Variants in CACNA1C observed in about 807,000 individuals in gnomAD.
The protein encoded by CACNA1C is voltage-dependent L-type calcium channel subunit alpha-1C.
A neutral mutation model predicts 229.0 loss-of-function variants in CACNA1C; 30 were observed. That is an observed-to-expected ratio of 0.13 (90% CI 0.10 to 0.18). The LOEUF is 0.18. CACNA1C is among the 10% of genes least tolerant of loss of function. CACNA1C has a pLI of 1.00. For synonymous variants in CACNA1C, 1,114 were observed against 1,132.5 expected (o/e 0.98, Z 0.33); for missense variants, 1,658 against 2,845.0 (o/e 0.58, Z 9.49).
chr12:2,483,381 A>T (rs1306698861), intron 5 of CACNA1C, among the ~76,000 whole-genome samples: 6 of 152,138 alleles, frequency 3.9e-5, no homozygotes, highest in Admixed American at 3.3e-4. Context: ...ACTGGGCAAC[A>T]CTGGAACCCG....
chr12:2,638,349 C>G (rs1365860279), intron 30 of CACNA1C, among the ~76,000 whole-genome samples: 1 of 152,058 alleles, frequency 6.6e-6, no homozygotes, highest in Admixed American at 6.6e-5. Context: ...ATGTGGAGAT[C>G]GGGAGAAGAG....
At chr12:2,065,094 G>A (rs1187934195) in intron 1 of CACNA1C, among the ~76,000 whole-genome samples, 1 of 152,196 alleles carries the variant, frequency 6.6e-6, no homozygotes, top group Non-Finnish European at 1.5e-5. Context: ...CTGGGCCGCT[G>A]TGCAGAGCTG....
intron 3 of CACNA1C, among the ~76,000 whole-genome samples, chr12:2,448,094 C>T (rs182497287): frequency 7.9e-5 from 12 of 152,284 alleles, no homozygotes; most frequent in African/African-American, 1.4e-4. Context: ...CAATTAGTGG[C>T]GAGGGACGTG....
chr12:2,367,905 A>G (rs900190668), intron 3 of CACNA1C, among the ~76,000 whole-genome samples: 2 of 152,190 alleles, frequency 1.3e-5, no homozygotes, highest in Non-Finnish European at 2.9e-5. Flanking sequence ...AATTAGCATT[A>G]TCTTGACAAA....
At chr12:2,178,160 A>G (rs2096725168) in intron 3 of CACNA1C, among the ~76,000 whole-genome samples, 1 of 152,254 alleles carries the variant, frequency 6.6e-6, no homozygotes, top group Non-Finnish European at 1.5e-5. Flanking sequence ...GCCTCTTATT[A>G]AAAGGAAAGT....
chr12:2,193,209 C>G (rs1001782910), intron 3 of CACNA1C, among the ~76,000 whole-genome samples: 2 of 152,182 alleles, frequency 1.3e-5, no homozygotes, highest in Non-Finnish European at 2.9e-5. Flanking sequence ...AATTCCAGCA[C>G]TTTGGGAGGC....
At chr12:2,690,676 CA>C (rs1439317689) in intron 46 of CACNA1C, 2 of 508,270 alleles carry the variant, frequency 3.9e-6, no homozygotes, top group Non-Finnish European at 6.9e-6. Flanking sequence ...TTGACCACCC[CA>C]GCCAAAACTT....
intron 9 of CACNA1C, chr12:2,547,603 G>A (rs1372486180): frequency 2.7e-6 from 2 of 753,464 alleles, no homozygotes; most frequent in East Asian, 5.0e-5. Flanking sequence ...CTCTCTTGAT[G>A]GCTTGTGCCG....
intron 3 of CACNA1C, among the ~76,000 whole-genome samples, chr12:2,442,665 G>A (rs2099240364): frequency 6.6e-6 from 1 of 152,154 alleles, no homozygotes; most frequent in South Asian, 2.1e-4. Context: ...AGGTTTAATT[G>A]GCTCATGGTT....
chr12:2,685,749 G>A lies in CACNA1C; in HGVS notation c.5587G>A (p.Asp1863Asn), dbSNP rs781297395. ...LLSTEMLSYQ[D>N]DENRQLTLPE... ...TCTCTGTTCCAGGCTCTCCTACCAG[G>A]ATGACGAAAATCGGCAACTGACGCT... is the stretch of plus-strand genomic sequence containing the variant. The change falls in exon 44 of 47, where the codon GAT becomes AAT. Residue 1863 changes from aspartate to asparagine, a missense_variant. Physicochemically the swap from Asp to Asn is conservative, Grantham distance 23 (BLOSUM62 1). Around this residue, in one of 20 missense-constraint regions of CACNA1C, gnomAD observed 590 missense variants for 700.8 expected, o/e 0.84. Transcript: ENST00000399655. 10 of 1,613,460 alleles carry A rather than the reference G, an allele frequency of 6.2e-6. No individual in the cohort carries two copies. The South Asian group carries it at 1.1e-4, about 18-fold the overall frequency.
At chr12:2,370,765 T>G (rs917245882) in intron 3 of CACNA1C, among the ~76,000 whole-genome samples, 1 of 152,202 alleles carries the variant, frequency 6.6e-6, no homozygotes, top group Non-Finnish European at 1.5e-5. Context: ...AGGACTAACT[T>G]AACTATTGCA....
chr12:1,993,152 C>T, intron 1 of CACNA1C: 1 of 1,375,832 alleles, frequency 7.3e-7, no homozygotes, highest in South Asian at 1.2e-5. Context: ...AATGCTGACA[C>T]CCCCCATAGC....
At chr12:2,378,005 G>T (rs2098125048) in intron 3 of CACNA1C, among the ~76,000 whole-genome samples, 1 of 152,184 alleles carries the variant, frequency 6.6e-6, no homozygotes, top group Non-Finnish European at 1.5e-5. Flanking sequence ...GTGGTCTTGA[G>T]CCTAGAAGAG....
intron 3 of CACNA1C, among the ~76,000 whole-genome samples, chr12:2,252,854 A>G (rs1487211584): frequency 6.7e-6 from 1 of 148,522 alleles, no homozygotes; most frequent in African/African-American, 2.5e-5. Context: ...TGCTGGGTCC[A>G]TGGGTTTAAC....
intron 29 of CACNA1C, among the ~76,000 whole-genome samples, chr12:2,621,267 A>G (rs564345594): frequency 6.6e-6 from 1 of 152,248 alleles, no homozygotes; most frequent in East Asian, 1.9e-4. Context: ...AAAGAGTGTG[A>G]GTGAAGAGGC....
intron 7 of CACNA1C, among the ~76,000 whole-genome samples, chr12:2,495,265 G>T (rs1042174592): frequency 6.6e-6 from 1 of 152,198 alleles, no homozygotes; most frequent in Non-Finnish European, 1.5e-5. Context: ...CTTCTTCCTG[G>T]GGTGGGTCCC....
chr12:2,032,584 A>T (rs1393911126), intron 1 of CACNA1C, among the ~76,000 whole-genome samples: 1 of 152,162 alleles, frequency 6.6e-6, no homozygotes, highest in Non-Finnish European at 1.5e-5. Context: ...AATTAAACCA[A>T]TCCATTACAC....
chr12:2,335,270 G>T (rs906490962), intron 3 of CACNA1C, among the ~76,000 whole-genome samples: 1 of 152,106 alleles, frequency 6.6e-6, no homozygotes, highest in Non-Finnish European at 1.5e-5. Context: ...TAACTCAGTG[G>T]TCTCTTCCGC....
At chr12:1,993,196 CTG>C (rs1339563068) in intron 1 of CACNA1C, 6 of 1,606,306 alleles carry the variant, frequency 3.7e-6, no homozygotes, top group South Asian at 1.1e-5. Flanking sequence ...ATGGCAAACA[CTG>C]TACAATTTTA....
Sources: gnomAD v4.1 joint callset for allele counts (sites outside exome capture counted in the v4.1 genomes callset) on GRCh38, gnomAD v4.1.1 for gene constraint, gnomAD v4.1.1 regional missense constraint, MANE v1.5 for transcripts, NCBI Gene and HGNC (gene_info 2026-07-23, HGNC 2026-07-21) for gene names.